Variants in KCNH1 observed in about 807,000 individuals in gnomAD.
KCNH1 encodes potassium voltage-gated channel subfamily H member 1.
A neutral mutation model predicts 69.2 loss-of-function variants in KCNH1; 27 were observed. The ratio of observed to expected loss-of-function variants is 0.39; its 90% CI spans 0.29 to 0.54. The LOEUF (loss-of-function observed/expected upper bound fraction) is 0.54. KCNH1 is among the 20% of genes least tolerant of loss of function. The pLI, the probability that KCNH1 is intolerant of heterozygous loss-of-function variation, is 0.68. For synonymous variants in KCNH1, 456 were observed against 487.7 expected, an observed-to-expected ratio of 0.93 and a Z score of 0.86; for missense variants, 798 against 1,261.6, an observed-to-expected ratio of 0.63 and a Z score of 5.57.
At chr1:211,123,567 A>G (rs1280026556) in intron 1 of KCNH1, among the ~76,000 whole-genome samples, 1 of 152,160 alleles carries the variant, frequency 6.6e-6, no homozygotes, top group Non-Finnish European at 1.5e-5. Flanking sequence ...ACAGTGATGA[A>G]GACAGATGGA....
chr1:210,859,188 G>T, intron 7 of KCNH1: 3 of 1,591,424 alleles, frequency 1.9e-6, no homozygotes, highest in Non-Finnish European at 2.6e-6. Context: ...TTCATCCCTG[G>T]TACTGGGCCT....
chr1:211,119,762 C>T (rs143923504), intron 1 of KCNH1, among the ~76,000 whole-genome samples: 1,525 of 152,254 alleles, frequency 0.01, 19 homozygotes, highest in Middle Eastern at 0.02. Flanking sequence ...AGAAAACAAA[C>T]GGAACTCTCA....
chr1:210,966,000 T>C (rs1337418638), intron 6 of KCNH1, among the ~76,000 whole-genome samples: 1 of 152,192 alleles, frequency 6.6e-6, no homozygotes, highest in Non-Finnish European at 1.5e-5. Context: ...AAGGCTACAG[T>C]AACCAAAACA....
chr1:211,037,492 C>CTTTTTTTT (rs59386390), intron 5 of KCNH1, among the ~76,000 whole-genome samples: 1 of 115,394 alleles, frequency 8.7e-6, no homozygotes, highest in African/African-American at 3.3e-5. Context: ...TAATTCAGTG[C>CTTTTTTTT]TTTTTTTTTT....
chr1:210,687,597 A>AC (rs1681433913), intron 10 of KCNH1, among the ~76,000 whole-genome samples: 1 of 152,092 alleles, frequency 6.6e-6, no homozygotes, highest in Non-Finnish European at 1.5e-5. Flanking sequence ...AAAACCAGCA[A>AC]CCCCCAGGGG....
chr1:211,090,757 A>G, intron 3 of KCNH1, 67 bp from the exon 4 acceptor site: 3 of 1,402,674 alleles, frequency 2.1e-6, no homozygotes, highest in Non-Finnish European at 2.9e-6. Context: ...GGAAGCAAAG[A>G]CTTGGGAATG....
intron 6 of KCNH1, among the ~76,000 whole-genome samples, chr1:210,970,525 A>G (rs570251039): frequency 8.6e-4 from 131 of 152,296 alleles, no homozygotes; most frequent in Non-Finnish European, 1.5e-3. Context: ...CCTGACAAAA[A>G]TAAGCAATGG....
intron 9 of KCNH1, among the ~76,000 whole-genome samples, chr1:210,778,177 T>G (rs1683898477): frequency 6.6e-6 from 1 of 152,106 alleles, no homozygotes; most frequent in African/African-American, 2.4e-5. Context: ...TGCAACCACA[T>G]GTGGGAAGTG....
chr1:211,040,252 G>A (rs1299863185), intron 5 of KCNH1, among the ~76,000 whole-genome samples: 1 of 151,728 alleles, frequency 6.6e-6, no homozygotes, highest in Non-Finnish European at 1.5e-5. Flanking sequence ...TTTGAAATGT[G>A]AGGACATGAG....
chr1:210,999,934 T>C (rs1689139504), intron 6 of KCNH1, among the ~76,000 whole-genome samples: 1 of 152,224 alleles, frequency 6.6e-6, no homozygotes, highest in Non-Finnish European at 1.5e-5. Context: ...TCTCAATAGA[T>C]GCAGAAAAGA....
chr1:210,788,688 T>TC (rs1272201557), intron 9 of KCNH1, among the ~76,000 whole-genome samples: 8 of 24,404 alleles, frequency 3.3e-4, no homozygotes, highest in South Asian at 9.1e-4. Flanking sequence ...CTTCTTTCTT[T>TC]TTTTTTTTTT....
chr1:210,734,348 A>G (rs1682820509), intron 10 of KCNH1, among the ~76,000 whole-genome samples: 3 of 152,082 alleles, frequency 2.0e-5, no homozygotes, highest in Admixed American at 2.0e-4. Flanking sequence ...CTTCTTTGGG[A>G]GTCACAACAT....
intron 5 of KCNH1, among the ~76,000 whole-genome samples, chr1:211,029,329 T>C (rs1458019011): frequency 3.3e-4 from 20 of 61,102 alleles, no homozygotes; most frequent in African/African-American, 1.6e-3. Context: ...CAAAATCCTG[T>C]CACTTAAAAA....
intron 5 of KCNH1, among the ~76,000 whole-genome samples, chr1:211,059,786 T>C (rs1269622482): frequency 1.3e-5 from 2 of 151,584 alleles, no homozygotes; most frequent in Admixed American, 1.3e-4. Context: ...AGATTCCCAA[T>C]ACAATAATAG....
intron 6 of KCNH1, among the ~76,000 whole-genome samples, chr1:210,989,784 A>G (rs570124557): frequency 6.6e-6 from 1 of 152,332 alleles, no homozygotes; most frequent in East Asian, 1.9e-4. Flanking sequence ...TTCTTCCTGA[A>G]AAATATTTCA....
At chr1:211,093,281 C>T (rs149128817) in intron 3 of KCNH1, among the ~76,000 whole-genome samples, 86 of 152,232 alleles carry the variant, frequency 5.6e-4, no homozygotes, top group African/African-American at 1.9e-3. Context: ...AAACTTATCA[C>T]GAATGAACTC....
chr1:210,814,956 A>G (rs1319355923), intron 7 of KCNH1, among the ~76,000 whole-genome samples: 1 of 152,184 alleles, frequency 6.6e-6, no homozygotes, highest in Non-Finnish European at 1.5e-5. Context: ...CAGTGGATGC[A>G]TTCAATTTGT....
intron 5 of KCNH1, among the ~76,000 whole-genome samples, chr1:211,070,794 T>A (rs1469412348): frequency 2.0e-5 from 3 of 147,710 alleles, no homozygotes; most frequent in African/African-American, 7.5e-5. Flanking sequence ...TGTTCTCCAG[T>A]CTGGGGGACA....
At chr1:211,079,301 G>T (rs1690804601) in intron 5 of KCNH1, among the ~76,000 whole-genome samples, 1 of 152,078 alleles carries the variant, frequency 6.6e-6, no homozygotes, top group Admixed American at 6.6e-5. Context: ...CCAATAACAG[G>T]ATCTGAAATT....
Sources: allele counts gnomAD v4.1 joint callset (sites outside exome capture counted in the v4.1 genomes callset), GRCh38; gene constraint gnomAD v4.1.1; transcripts MANE v1.5; gene names NCBI Gene and HGNC (gene_info 2026-07-23, HGNC 2026-07-21).